Variants in BACE2 observed in about 807,000 individuals in gnomAD.
The protein encoded by BACE2 is 56 kDa aspartic-like protease.
BACE2 carries 17 observed loss-of-function variants against 46.2 expected under a neutral mutation model. The observed-to-expected ratio is 0.37, with a 90% CI of 0.25 to 0.55. The LOEUF (loss-of-function observed/expected upper bound fraction) is 0.55. Ranked by LOEUF, BACE2 falls within the 20% of genes least tolerant of loss-of-function variation. The probability of loss-of-function intolerance (pLI) is 0.82; values close to 1 mark genes in which losing one functional copy is unlikely to be tolerated. For synonymous variants in BACE2, 277 were observed against 295.9 expected (o/e 0.94, Z 0.66); for missense variants, 595 against 698.1 (o/e 0.85, Z 1.66).
intron 1 of BACE2, among the ~76,000 whole-genome samples, chr21:41,218,965 C>T (rs1365216823): frequency 4.6e-5 from 7 of 151,654 alleles, no homozygotes; most frequent in Admixed American, 2.0e-4. Flanking sequence ...CGGGTTCAAG[C>T]GATTTTCCTG....
intron 3 of BACE2, among the ~76,000 whole-genome samples, chr21:41,241,522 C>A (rs1279460477): frequency 6.6e-6 from 1 of 152,176 alleles, no homozygotes; most frequent in Non-Finnish European, 1.5e-5. Context: ...TCCACGGCTT[C>A]TCACACCCCC....
rs866028008 is a variant in BACE2, at chr21:41,225,250, T to A, written c.313-1016T>A. ...CTCCATCTCAAAAAAAAAAAAAAAA[T>A]ATCTAGTCTATGATCCAAAAAGTTT... On this transcript the variant is annotated intron_variant, in intron 1 of 8. Transcript: ENST00000330333. Among the ~76,000 whole-genome samples, 88 of 145,158 alleles carry A rather than the reference T, an allele frequency of 6.1e-4. 1 individual carries two copies. Among genetic ancestry groups the A allele is most frequent in the African/African-American group, 2.2e-3 (81 of 37,072 alleles).
At chr21:41,184,013 T>G (rs1322694295) in intron 1 of BACE2, 1 of 167,118 alleles carries the variant, frequency 6.0e-6, no homozygotes, top group Non-Finnish European at 1.5e-5. Flanking sequence ...TTGTACTTTT[T>G]GGCTATTTCT....
intron 1 of BACE2, among the ~76,000 whole-genome samples, chr21:41,201,580 A>G (rs935617707): frequency 5.9e-5 from 9 of 152,258 alleles, no homozygotes; most frequent in Non-Finnish European, 8.8e-5. Context: ...AAAACCTGGC[A>G]GGCTCCTCAG....
chr21:41,257,821 G>A (rs1372339028), intron 8 of BACE2, among the ~76,000 whole-genome samples: 3 of 152,290 alleles, frequency 2.0e-5, no homozygotes, highest in East Asian at 1.9e-4. Flanking sequence ...AGGGCAGCCC[G>A]CAGCATGACT....
chr21:41,195,013 C>T (rs1164710247), intron 1 of BACE2, among the ~76,000 whole-genome samples: 2 of 152,200 alleles, frequency 1.3e-5, no homozygotes, highest in African/African-American at 4.8e-5. Context: ...AAGGCCTTCA[C>T]CATGAGAAGA....
intron 8 of BACE2, among the ~76,000 whole-genome samples, chr21:41,272,356 A>C (rs577584908): frequency 1.4e-4 from 22 of 151,930 alleles, no homozygotes; most frequent in Non-Finnish European, 2.6e-4. Context: ...AGTTTCATAA[A>C]ATTTGGAAAA....
At position 41,168,244 on chromosome 21, in the gene BACE2, C is replaced by T. The variant is rs1984451501; in HGVS notation, c.-20C>T. 8.7e-7 allele frequency: 1 copy of T among 1,149,246 alleles called. No homozygotes were observed. Among genetic ancestry groups the T allele is most frequent in the Non-Finnish European group, 1.1e-6 (1 of 935,640 alleles). The allele number at this position is 1,149,246 out of a possible 1,614,324, so 71.2% of individuals were successfully genotyped here. The stretch of plus-strand genomic sequence containing the variant: ...CGGGACCGGCTAGGCTGGGCGCGCC[C>T]CCCGGGCCCCGCCGTGGGCATGGGC... On this transcript the variant is annotated 5_prime_UTR_variant, in exon 1 of 9. Coordinates refer to ENST00000330333, the MANE Select transcript of BACE2 (RefSeq NM_012105.5).
At position 41,168,177 on chromosome 21, in the gene BACE2, C is replaced by T; in HGVS notation, c.-87C>T. On this transcript the variant is annotated 5_prime_UTR_variant, in exon 1 of 9. Transcript: ENST00000330333. ...GCGCGCCCATCCCTGCCCGCAGCCC[C>T]GCGCGCCGGCCGAGTCGCTGAGCCG... is the stretch of plus-strand genomic sequence containing the variant. 1.3e-6 allele frequency: 1 copy of T among 795,902 alleles called. No homozygotes were observed. The highest frequency in any genetic ancestry group is 1.5e-6 in the Non-Finnish European group (1 of 645,512). 49.3% of individuals were successfully genotyped at this position (795,902 alleles called of 1,614,324 possible). A position where few individuals can be genotyped will look rare whatever the true frequency, so the allele number is the denominator to read the frequency against.
intron 1 of BACE2, among the ~76,000 whole-genome samples, chr21:41,207,484 A>G (rs988596327): frequency 6.6e-6 from 1 of 152,178 alleles, no homozygotes; most frequent in African/African-American, 2.4e-5. Context: ...TTCGTTAGTC[A>G]GTAGGATCGC....
rs894306903 is a variant in BACE2 at position 41,257,199 on chromosome 21, A to G, written c.1176A>G (p.Glu392=). The G allele has an allele frequency of 1.9e-6, 3 of 1,613,990 alleles. No individual in the cohort carries two copies. Among genetic ancestry groups the G allele is most frequent in the African/African-American group, 2.7e-5 (2 of 74,912 alleles). The change falls in exon 8 of 9, where the codon GAA becomes GAG. Residue 392 remains glutamate (E), a synonymous_variant. Coordinates refer to ENST00000330333, the MANE Select transcript of BACE2 (RefSeq NM_012105.5). ...QPMMGAGLNY[E]CYRFGISPST... ...TGATGGGGGCCGGCCTGAATTATGA[A>G]TGTTACCGATTCGGCATTTCCCCAT...
intron 1 of BACE2, among the ~76,000 whole-genome samples, chr21:41,188,933 T>C (rs953270453): frequency 6.6e-6 from 1 of 152,218 alleles, no homozygotes; most frequent in African/African-American, 2.4e-5. Context: ...TCCTTAGCCC[T>C]GTAATTGCAT....
rs536338932 is a variant in BACE2, at chr21:41,197,598, A to G, written c.313-28668A>G. On this transcript the variant is annotated intron_variant, in intron 1 of 8. Transcript: ENST00000330333. ...CCTATAAAACACTTTTGAACCCTTA[A>G]CTTGGAGACAGAATTTCCTACCTAT... 2.0e-5 allele frequency among the ~76,000 whole-genome samples: 3 copies of G among 152,200 alleles called. No individual in the cohort carries two copies. In the East Asian group the frequency reaches 5.8e-4, roughly 29 times the overall value.
chr21:41,247,695 C>T (rs1022723885), intron 6 of BACE2, among the ~76,000 whole-genome samples: 9 of 152,252 alleles, frequency 5.9e-5, no homozygotes, highest in African/African-American at 1.4e-4. Flanking sequence ...CCGAGCTCAT[C>T]GTGGCATGCG....
intron 1 of BACE2, among the ~76,000 whole-genome samples, chr21:41,210,294 G>T (rs574125432): frequency 6.6e-6 from 1 of 152,142 alleles, no homozygotes; most frequent in African/African-American, 2.4e-5. Context: ...CAGCCATGAT[G>T]GGACAGGAGA....
At chr21:41,206,422 G>T (rs1986126363) in intron 1 of BACE2, among the ~76,000 whole-genome samples, 2 of 152,170 alleles carry the variant, frequency 1.3e-5, no homozygotes, top group African/African-American at 4.8e-5. Context: ...CAAACAATCA[G>T]GTCATAACAG....
chr21:41,172,526 G>C (rs1984642053), intron 1 of BACE2, among the ~76,000 whole-genome samples: 1 of 152,242 alleles, frequency 6.6e-6, no homozygotes, highest in Non-Finnish European at 1.5e-5. Flanking sequence ...ACTAGTGAAG[G>C]CAAAGCAGGG....
chr21:41,266,946 TTGTGTGTG>T lies in BACE2; in HGVS notation c.1304-8397_1304-8390del, dbSNP rs10527457. Among the ~76,000 whole-genome samples the T allele has an allele frequency of 5.9e-3, 872 of 148,330 alleles. 5 individuals are homozygous for T. The highest frequency in any genetic ancestry group is 0.017 in the African/African-American group (679 of 40,264). On this transcript the variant is annotated intron_variant, in intron 8 of 8. Coordinates refer to ENST00000330333, the MANE Select transcript of BACE2 (RefSeq NM_012105.5). ...GGAAGCTGCCCTTCTCTCACAGTGT[TTGTGTGTG>T]TGTGTGTGTGTGTGTGTGTGTGTGT... is the stretch of plus-strand genomic sequence containing the variant.
intron 8 of BACE2, among the ~76,000 whole-genome samples, chr21:41,267,142 C>T (rs113260024): frequency 6.6e-6 from 1 of 152,208 alleles, no homozygotes; most frequent in African/African-American, 2.4e-5. Context: ...AGCAGGATGG[C>T]GGTGGGTGGG....
Sources: gnomAD v4.1 joint callset for allele counts (sites outside exome capture counted in the v4.1 genomes callset) on GRCh38, gnomAD v4.1.1 for gene constraint, MANE v1.5 for transcripts, NCBI Gene and HGNC (gene_info 2026-07-23, HGNC 2026-07-21) for gene names.